Variants in CUX2 observed in about 807,000 individuals in gnomAD.
CUX2 encodes the protein homeobox protein cut-like 2.
A neutral mutation model predicts 144.8 loss-of-function variants in CUX2; 40 were observed. The observed-to-expected ratio is 0.28, with a 90% confidence interval of 0.21 to 0.36. The LOEUF (loss-of-function observed/expected upper bound fraction) is 0.36, where lower values mean the gene tolerates loss of function less well. Among genes scored for constraint, CUX2 ranks in the 10% least tolerant of loss-of-function variants. The pLI is 1.00. For missense variants in CUX2, 1,615 were observed against 1,994.0 expected (o/e 0.81, Z 3.62); for synonymous variants, 827 against 875.6 (o/e 0.94, Z 0.98).
chr12:111,212,352 A>G (rs181416533), intron 1 of CUX2, among the ~76,000 whole-genome samples: 1 of 152,296 alleles, frequency 6.6e-6, no homozygotes, highest in East Asian at 1.9e-4. Flanking sequence ...GTGCTTCGGC[A>G]AGAATTGGTT....
rs1179427445 is a variant in CUX2, at chr12:111,246,362, C to A, written c.223-17399C>A. ...TGTTAAACCTTTACCAGCACAGGCA[C>A]CTTCCTCACAGGGCTTTTAGGATGA... On this transcript the variant is annotated intron_variant, in intron 3 of 21. Transcript: ENST00000261726. This position sits in a 1 kb window ranked among gnomAD's most constrained non-coding sequence, Gnocchi z 4.0. 6.6e-6 allele frequency among the ~76,000 whole-genome samples: 1 copy of A among 152,158 alleles called. No homozygotes were observed. The highest frequency in any genetic ancestry group is 1.5e-5 in the Non-Finnish European group (1 of 68,028).
At chr12:111,065,639 C>G (rs1366641229) in intron 1 of CUX2, among the ~76,000 whole-genome samples, 2 of 152,154 alleles carry the variant, frequency 1.3e-5, no homozygotes, top group African/African-American at 4.8e-5. Flanking sequence ...CCCAGCCACC[C>G]CTGTGTTATT....
chr12:111,271,931 T>G (rs1007534672), intron 4 of CUX2, among the ~76,000 whole-genome samples: 1 of 152,236 alleles, frequency 6.6e-6, no homozygotes, highest in Non-Finnish European at 1.5e-5. Flanking sequence ...GTTTCTCAAC[T>G]TAGTGTGTAA....
chr12:111,206,941 G>A (rs1416179988), intron 1 of CUX2, among the ~76,000 whole-genome samples: 1 of 152,214 alleles, frequency 6.6e-6, no homozygotes, highest in Non-Finnish European at 1.5e-5. Flanking sequence ...ATAGATGTAT[G>A]ATTGGATGAA....
intron 1 of CUX2, among the ~76,000 whole-genome samples, chr12:111,154,683 G>C (rs1177156982): frequency 6.6e-6 from 1 of 152,202 alleles, no homozygotes; most frequent in African/African-American, 2.4e-5. Flanking sequence ...AGATGGAGCT[G>C]TGCGGGAATC....
rs1053070547 is a variant in CUX2, at chr12:111,088,723, G to A, written c.63+54483G>A. 2.0e-5 allele frequency among the ~76,000 whole-genome samples: 3 copies of A among 152,326 alleles called. No homozygotes were observed. The South Asian group carries it at 6.2e-4, about 32-fold the overall frequency. ...GTAGAGACAGGACGCAGACCTGGGA[G>A]TGTCAGGCCCTGAGCCCTTAGTTCT... On this transcript the variant is annotated intron_variant, in intron 1 of 21. Transcript: ENST00000261726.
At chr12:111,097,795 C>T (rs962487374) in intron 1 of CUX2, among the ~76,000 whole-genome samples, 4 of 152,122 alleles carry the variant, frequency 2.6e-5, no homozygotes, top group Non-Finnish European at 5.9e-5. Context: ...GTACCTGGGG[C>T]ACAGCATTGG....
chr12:111,038,072 G>A (rs796303127), intron 1 of CUX2, among the ~76,000 whole-genome samples: 3 of 152,300 alleles, frequency 2.0e-5, no homozygotes, highest in African/African-American at 7.2e-5. Flanking sequence ...AGAAACTTCC[G>A]GGAACACTCA....
chr12:111,166,271 C>G (rs530209216), intron 1 of CUX2, among the ~76,000 whole-genome samples: 11 of 152,338 alleles, frequency 7.2e-5, no homozygotes, highest in Non-Finnish European at 1.6e-4. Flanking sequence ...ATTCTCCTGC[C>G]TTAGCTTCCC....
intron 1 of CUX2, among the ~76,000 whole-genome samples, chr12:111,066,314 T>C (rs556377821): frequency 3.3e-4 from 51 of 152,372 alleles, no homozygotes; most frequent in African/African-American, 1.2e-3. Context: ...GGGTGTTTTA[T>C]AGTGGGAGCA....
Position 111,307,473 on chromosome 12 carries a change from G to C in CUX2, c.1109+216G>C, listed in dbSNP as rs192444997. Among the ~76,000 whole-genome samples, 166 of 152,322 alleles carry C rather than the reference G, an allele frequency of 1.1e-3. 1 individual carries two copies. Among genetic ancestry groups the C allele is most frequent in the African/African-American group, 3.9e-3 (163 of 41,586 alleles). On this transcript the variant is annotated intron_variant, in intron 12 of 21. Transcript: ENST00000261726. This position sits in a 1 kb window ranked among gnomAD's most constrained non-coding sequence, Gnocchi z 4.1. Reference sequence around the variant, plus strand: ...GGAGGCCCAGGCAGGAGGATCGCTTGAGGTCAGGAGTTTGAGACCAGCCTG... The same window carrying C: ...GGAGGCCCAGGCAGGAGGATCGCTTCAGGTCAGGAGTTTGAGACCAGCCTG...
intron 1 of CUX2, among the ~76,000 whole-genome samples, chr12:111,103,803 A>G (rs77889154): frequency 1.3e-5 from 2 of 152,174 alleles, no homozygotes; most frequent in African/African-American, 4.8e-5. Flanking sequence ...CAGCTGCTCA[A>G]ATGGTGTTAT....
At chr12:111,181,523 T>C (rs1282149318) in intron 1 of CUX2, among the ~76,000 whole-genome samples, 2 of 152,210 alleles carry the variant, frequency 1.3e-5, no homozygotes, top group Admixed American at 1.3e-4. Flanking sequence ...CTCTACCTGC[T>C]GGAGAATTAG....
chr12:111,310,748 G>C lies in CUX2; in HGVS notation c.1900+66G>C. On this transcript the variant is annotated intron_variant, in intron 15 of 21. Transcript: ENST00000261726. The surrounding 1 kb of genome is among the most constrained non-coding windows in gnomAD (Gnocchi z 7.9). ...CAGGTCCAGGGCATCAGGGCTGGGG[G>C]CTGAGGACACGCGCTCTGGGTTCAA... The C allele has an allele frequency of 6.6e-7, 1 of 1,506,608 alleles. No homozygotes were observed. The highest frequency in any genetic ancestry group is 2.0e-5 in the Admixed American group (1 of 50,734). The allele number at this position is 1,506,608 out of a possible 1,614,324, so 93.3% of individuals were successfully genotyped here.
At chr12:111,252,998 G>A (rs1244819653) in intron 3 of CUX2, among the ~76,000 whole-genome samples, 1 of 151,928 alleles carries the variant, frequency 6.6e-6, no homozygotes, top group African/African-American at 2.4e-5. Flanking sequence ...CATCCACTCT[G>A]TGTTCCCAAG....
rs999533994 is a variant in CUX2, at chr12:111,190,648, G to A, written c.64-23552G>A. Among the ~76,000 whole-genome samples the A allele has an allele frequency of 1.3e-5, 2 of 152,164 alleles. No homozygotes were observed. Among genetic ancestry groups the A allele is most frequent in the Admixed American group, 1.3e-4 (2 of 15,284 alleles). ...TTAGCTGATCAATAGACCCTTTGTG[G>A]CCTAACAGAGACACACCTGAAGGTG... On this transcript the variant is annotated intron_variant, in intron 1 of 21. Transcript: ENST00000261726. The surrounding 1 kb of genome is among the most constrained non-coding windows in gnomAD (Gnocchi z 4.0).
intron 1 of CUX2, among the ~76,000 whole-genome samples, chr12:111,138,325 G>T (rs114683066): frequency 5.9e-5 from 9 of 152,162 alleles, no homozygotes; most frequent in African/African-American, 1.4e-4. Context: ...TCCAGCACCC[G>T]GGCGCTGGGG....
At chr12:111,087,526 G>C (rs144108834) in intron 1 of CUX2, among the ~76,000 whole-genome samples, 1 of 152,290 alleles carries the variant, frequency 6.6e-6, no homozygotes, top group East Asian at 1.9e-4. Flanking sequence ...ACACACGCAA[G>C]TGCTTTGCAC....
intron 1 of CUX2, among the ~76,000 whole-genome samples, chr12:111,165,228 G>C (rs1430426578): frequency 1.3e-5 from 2 of 152,130 alleles, no homozygotes; most frequent in Non-Finnish European, 2.9e-5. Context: ...AAAACATTTG[G>C]TGTTTAGCTC....
Sources: allele counts gnomAD v4.1 joint callset (sites outside exome capture counted in the v4.1 genomes callset), GRCh38; gene constraint gnomAD v4.1.1; non-coding constraint Gnocchi (gnomAD v3.1); transcripts MANE v1.5; gene names NCBI Gene and HGNC (gene_info 2026-07-23, HGNC 2026-07-21).